ODAD2: variants seen among roughly 807,000 people sequenced by gnomAD.
The protein encoded by ODAD2 is outer dynein arm docking complex subunit 2.
In ODAD2, 89 loss-of-function variants were observed where a neutral mutation model predicts 106.8. The observed-to-expected ratio is 0.83, with a 90% CI of 0.70 to 0.99. The LOEUF is 0.99. Among genes scored for constraint, ODAD2 ranks in the 50% least tolerant of loss-of-function variants. ODAD2 has a pLI of 0.00. For synonymous variants in ODAD2, 404 were observed against 436.2 expected, an observed-to-expected ratio of 0.93 and a Z score of 0.92; for missense variants, 1,168 against 1,238.5, an observed-to-expected ratio of 0.94 and a Z score of 0.85.
chr10:27,885,681 A>AATATATTATATATAAAAT (rs1564466033), intron 17 of ODAD2, among the ~76,000 whole-genome samples: 4 of 13,550 alleles, frequency 3.0e-4, no homozygotes, highest in Non-Finnish European at 3.9e-4. Context: ...AAATATATAT[A>AATATATTATATATAAAAT]ATATATAATA....
intron 10 of ODAD2, among the ~76,000 whole-genome samples, chr10:27,948,221 T>C (rs564645632): frequency 6.6e-6 from 1 of 151,370 alleles, no homozygotes; most frequent in Admixed American, 6.7e-5. Flanking sequence ...TCTGAAAATC[T>C]GGAAACATAT....
chr10:27,959,084 C>G, intron 10 of ODAD2: 1 of 1,144,292 alleles, frequency 8.7e-7, no homozygotes, highest in Non-Finnish European at 1.1e-6. Flanking sequence ...TGCCTGTAAT[C>G]CCAGCACTTT....
chr10:27,828,526 T>C (rs930542139), intron 19 of ODAD2, among the ~76,000 whole-genome samples: 18 of 152,174 alleles, frequency 1.2e-4, no homozygotes, highest in Admixed American at 2.6e-4. Flanking sequence ...GACAGGAAGT[T>C]GAGGTATTTT....
At chr10:27,874,403 T>G (rs1841159192) in intron 17 of ODAD2, among the ~76,000 whole-genome samples, 2 of 152,200 alleles carry the variant, frequency 1.3e-5, no homozygotes, top group South Asian at 4.1e-4. Context: ...CATTGTGATG[T>G]TAGCTGGTTC....
intron 17 of ODAD2, among the ~76,000 whole-genome samples, chr10:27,898,336 A>AT (rs200379996): frequency 7.2e-5 from 11 of 151,998 alleles, no homozygotes; most frequent in Non-Finnish European, 1.3e-4. Flanking sequence ...TCCAAAAAAA[A>AT]CAGTTTTAAG....
intron 19 of ODAD2, among the ~76,000 whole-genome samples, chr10:27,818,038 G>A (rs61752511): frequency 4.6e-5 from 7 of 151,638 alleles, no homozygotes; most frequent in South Asian, 4.2e-4. Context: ...TTATCCTGGA[G>A]TATGGAGTGC....
chr10:27,827,103 TTC>T (rs1433287514), intron 19 of ODAD2, among the ~76,000 whole-genome samples: 1 of 152,188 alleles, frequency 6.6e-6, no homozygotes, highest in African/African-American at 2.4e-5. Context: ...GCTTAAAATA[TTC>T]TCTTCTCTTG....
chr10:27,960,773 C>T (rs1417529812), intron 10 of ODAD2, among the ~76,000 whole-genome samples: 2 of 152,156 alleles, frequency 1.3e-5, no homozygotes, highest in African/African-American at 2.4e-5. Context: ...GGCAAATGCC[C>T]TTGGTTGATT....
At chr10:27,856,177 A>G (rs573499714) in intron 19 of ODAD2, among the ~76,000 whole-genome samples, 8 of 152,356 alleles carry the variant, frequency 5.3e-5, no homozygotes, top group African/African-American at 1.9e-4. Flanking sequence ...TTGTAATGAT[A>G]CAAATCCCTG....
chr10:27,829,047 C>T (rs1322421805), intron 19 of ODAD2, among the ~76,000 whole-genome samples: 3 of 151,934 alleles, frequency 2.0e-5, no homozygotes, highest in African/African-American at 7.3e-5. Context: ...GAATTCATCC[C>T]TCATGTGGAT....
chr10:27,953,768 T>A (rs1847529145), intron 10 of ODAD2, among the ~76,000 whole-genome samples: 1 of 152,214 alleles, frequency 6.6e-6, no homozygotes, highest in Non-Finnish European at 1.5e-5. Flanking sequence ...TCACTTTGCA[T>A]GGCTTGAAGT....
intron 17 of ODAD2, 94 bp from the exon 18 acceptor site, chr10:27,862,716 C>A: frequency 1.3e-6 from 1 of 775,322 alleles, no homozygotes; most frequent in Admixed American, 3.4e-5. Context: ...CTGTGAGGTA[C>A]ATCTTTGGCA....
chr10:27,940,281 C>T (rs74937547), intron 13 of ODAD2, among the ~76,000 whole-genome samples: 1 of 145,342 alleles, frequency 6.9e-6, no homozygotes, highest in African/African-American at 2.7e-5. Context: ...TATATAAATG[C>T]CAGTATATAT....
intron 16 of ODAD2, among the ~76,000 whole-genome samples, chr10:27,934,415 G>A (rs1027654702): frequency 2.0e-5 from 3 of 149,308 alleles, no homozygotes; most frequent in African/African-American, 7.3e-5. Flanking sequence ...ATACATATAT[G>A]TATATGTATC....
At chr10:27,936,586 C>T in intron 15 of ODAD2, 140 bp downstream of exon 15, 3 of 978,506 alleles carry the variant, frequency 3.1e-6, no homozygotes, top group East Asian at 5.0e-5. Context: ...TCTAAGAATC[C>T]CTTCATTGGG....
chr10:27,892,075 AAC>A (rs1034273424), intron 17 of ODAD2, among the ~76,000 whole-genome samples: 1 of 151,978 alleles, frequency 6.6e-6, no homozygotes, highest in Admixed American at 6.6e-5. Context: ...GCTTGAAAGA[AAC>A]AGTTTTACAC....
intron 7 of ODAD2, among the ~76,000 whole-genome samples, chr10:27,978,195 T>C (rs539491041): frequency 1.3e-4 from 20 of 152,188 alleles, no homozygotes; most frequent in African/African-American, 4.6e-4. Flanking sequence ...AAATTAATGA[T>C]AGATGCAAAA....
chr10:27,873,977 T>A (rs1589882648), intron 17 of ODAD2, among the ~76,000 whole-genome samples: 1 of 152,162 alleles, frequency 6.6e-6, no homozygotes, highest in Non-Finnish European at 1.5e-5. Context: ...CCCATTATTA[T>A]TGTGTGGGAG....
intron 10 of ODAD2, among the ~76,000 whole-genome samples, chr10:27,952,039 T>G (rs1847364520): frequency 8.4e-6 from 1 of 119,202 alleles, no homozygotes; most frequent in South Asian, 2.9e-4. Context: ...CGTGAAACTG[T>G]ACTCCAGCCT....
Sources: allele counts gnomAD v4.1 joint callset (sites outside exome capture counted in the v4.1 genomes callset), GRCh38; gene constraint gnomAD v4.1.1; transcripts MANE v1.5; gene names NCBI Gene and HGNC (gene_info 2026-07-23, HGNC 2026-07-21).